Variants in RPA3 observed in about 807,000 individuals in gnomAD.
RPA3 encodes replication protein A3.
A neutral mutation model predicts 13.7 loss-of-function variants in RPA3; 24 were observed. The observed-to-expected ratio is 1.75, with a 90% CI of 1.27 to 2.46. The LOEUF is 2.46. RPA3 is among the 30% of genes most tolerant of loss of function. The probability of loss-of-function intolerance (pLI) is 0.00; values close to 1 mark genes in which losing one functional copy is unlikely to be tolerated. For synonymous variants in RPA3, 59 were observed against 51.2 expected, an observed-to-expected ratio of 1.15 and a Z score of -0.65; for missense variants, 183 against 151.0, an observed-to-expected ratio of 1.21 and a Z score of -1.11.
At chr7:7,663,849 C>T (rs562541129) in intron 4 of RPA3, among the ~76,000 whole-genome samples, 1 of 152,160 alleles carries the variant, frequency 6.6e-6, no homozygotes, top group African/African-American at 2.4e-5. Context: ...AACTGATCTC[C>T]TATTCCTACA....
chr7:7,642,471 T>A (rs1583684484), intron 4 of RPA3, among the ~76,000 whole-genome samples: 1 of 1,444 alleles, frequency 6.9e-4, no homozygotes, highest in African/African-American at 1.7e-3. Flanking sequence ...TAATAGTGAT[T>A]TTTTTTTTTT....
At chr7:7,707,048 CTAAT>C (rs2115163965) in intron 2 of RPA3, among the ~76,000 whole-genome samples, 1 of 152,242 alleles carries the variant, frequency 6.6e-6, no homozygotes, top group East Asian at 1.9e-4. Context: ...TGTCAGGACA[CTAAT>C]TAATTAGCAT....
chr7:7,677,664 G>GTTTTTTTTTTTTT (rs141602455), intron 4 of RPA3, among the ~76,000 whole-genome samples: 1 of 113,500 alleles, frequency 8.8e-6, no homozygotes, highest in African/African-American at 3.6e-5. Context: ...CTGTTTTTTT[G>GTTTTTTTTTTTTT]TTTTTTTTTT....
intron 2 of RPA3, among the ~76,000 whole-genome samples, chr7:7,707,644 A>T (rs1202891524): frequency 1.3e-5 from 2 of 152,212 alleles, no homozygotes; most frequent in African/African-American, 2.4e-5. Context: ...TTTGGAATTT[A>T]AAAAAGACCT....
intron 2 of RPA3, among the ~76,000 whole-genome samples, chr7:7,708,730 C>CT (rs1780672997): frequency 6.6e-6 from 1 of 152,076 alleles, no homozygotes; most frequent in Non-Finnish European, 1.5e-5. Context: ...TTGACTGAAA[C>CT]GAGCAACTAT....
At chr7:7,676,413 G>A (rs1412429574) in intron 4 of RPA3, among the ~76,000 whole-genome samples, 1 of 152,156 alleles carries the variant, frequency 6.6e-6, no homozygotes, top group African/African-American at 2.4e-5. Flanking sequence ...GTATGTAGCA[G>A]ATCTGGAATT....
At chr7:7,647,412 A>G (rs910458259) in intron 4 of RPA3, among the ~76,000 whole-genome samples, 4 of 152,232 alleles carry the variant, frequency 2.6e-5, no homozygotes, top group African/African-American at 7.2e-5. Flanking sequence ...TATTAGGAAC[A>G]TGGACAATTT....
intron 4 of RPA3, among the ~76,000 whole-genome samples, chr7:7,679,654 A>G (rs1243067365): frequency 1.4e-4 from 15 of 109,216 alleles, no homozygotes; most frequent in African/African-American, 5.6e-4. Context: ...AGATAAATAT[A>G]TATTTATATA....
chr7:7,660,019 CTCT>C (rs1463465854), intron 4 of RPA3, among the ~76,000 whole-genome samples: 5 of 152,130 alleles, frequency 3.3e-5, no homozygotes, highest in Non-Finnish European at 5.9e-5. Context: ...GGATAGTTAG[CTCT>C]TCTTGTTGCA....
intron 4 of RPA3, among the ~76,000 whole-genome samples, chr7:7,649,073 G>T (rs1363675635): frequency 6.9e-6 from 1 of 145,232 alleles, no homozygotes; most frequent in Non-Finnish European, 1.5e-5. Flanking sequence ...CAGGAGAATC[G>T]CTTGAACCCA....
At chr7:7,668,380 A>T (rs575738872) in intron 4 of RPA3, among the ~76,000 whole-genome samples, 88 of 152,166 alleles carry the variant, frequency 5.8e-4, no homozygotes, top group Non-Finnish European at 1.1e-3. Flanking sequence ...ATTTATGAGT[A>T]CAGTACTATA....
chr7:7,649,175 AAAAAG>A (rs1554308884), intron 4 of RPA3, among the ~76,000 whole-genome samples: 1 of 104,604 alleles, frequency 9.6e-6, no homozygotes, highest in Non-Finnish European at 1.8e-5. Flanking sequence ...AAAAAAAAAA[AAAAAG>A]AAAAGAAAAG....
intron 4 of RPA3, among the ~76,000 whole-genome samples, chr7:7,669,162 G>C (rs1267270808): frequency 6.6e-6 from 1 of 151,814 alleles, no homozygotes; most frequent in Non-Finnish European, 1.5e-5. Flanking sequence ...AAAACATACT[G>C]TATATAGGGT....
chr7:7,668,162 C>G (rs143032796), intron 4 of RPA3, among the ~76,000 whole-genome samples: 364 of 152,224 alleles, frequency 2.4e-3, no homozygotes, highest in African/African-American at 8.4e-3. Context: ...ATTTGCCTGC[C>G]TCGGTCTCCC....
intron 4 of RPA3, among the ~76,000 whole-genome samples, chr7:7,683,642 A>G (rs1327734249): frequency 1.8e-4 from 27 of 150,910 alleles, no homozygotes; most frequent in Admixed American, 1.5e-3. Context: ...TTTTTTTTAG[A>G]CGGAGTTTTT....
intron 4 of RPA3, among the ~76,000 whole-genome samples, chr7:7,670,807 G>T (rs1779587647): frequency 6.6e-6 from 1 of 152,176 alleles, no homozygotes; most frequent in Non-Finnish European, 1.5e-5. Context: ...GGCGAACAAA[G>T]GGAGAGAGAG....
intron 2 of RPA3, among the ~76,000 whole-genome samples, chr7:7,694,047 A>G (rs1344485056): frequency 6.6e-6 from 1 of 152,192 alleles, no homozygotes; most frequent in Non-Finnish European, 1.5e-5. Flanking sequence ...GAGTCATTAG[A>G]CACTTGAACA....
chr7:7,682,326 A>G (rs891847406), intron 4 of RPA3, among the ~76,000 whole-genome samples: 4 of 151,972 alleles, frequency 2.6e-5, no homozygotes, highest in South Asian at 2.1e-4. Context: ...TCCAGTCTCA[A>G]TGATCAGTCA....
chr7:7,702,957 C>T (rs1022908845), intron 2 of RPA3, among the ~76,000 whole-genome samples: 1 of 152,208 alleles, frequency 6.6e-6, no homozygotes, highest in African/African-American at 2.4e-5. Context: ...TTCTCCAGTC[C>T]TGTTGTCGTG....
Sources: gnomAD v4.1 joint callset for allele counts (sites outside exome capture counted in the v4.1 genomes callset) on GRCh38, gnomAD v4.1.1 for gene constraint, MANE v1.5 for transcripts, NCBI Gene and HGNC (gene_info 2026-07-23, HGNC 2026-07-21) for gene names.